SEPTIN9: variants seen among roughly 807,000 people sequenced by gnomAD.
SEPTIN9 encodes septin-9.
A neutral mutation model predicts 56.6 loss-of-function variants in SEPTIN9; 13 were observed. That is an observed-to-expected ratio of 0.23 (90% CI 0.15 to 0.37). SEPTIN9 has a LOEUF of 0.37. Ranked by LOEUF, SEPTIN9 falls within the 10% of genes least tolerant of loss-of-function variation. The pLI, the probability that SEPTIN9 is intolerant of heterozygous loss-of-function variation, is 1.00. For synonymous variants in SEPTIN9, 332 were observed against 334.1 expected, an observed-to-expected ratio of 0.99 and a Z score of 0.07; for missense variants, 650 against 823.1, an observed-to-expected ratio of 0.79 and a Z score of 2.57.
chr17:77,478,544 C>T (rs976361735), intron 3 of SEPTIN9, among the ~76,000 whole-genome samples: 3 of 152,042 alleles, frequency 2.0e-5, no homozygotes, highest in African/African-American at 4.8e-5. Context: ...TGGTGGCTCA[C>T]GCCTGTAATC....
At chr17:77,340,159 G>C (rs924270417) in intron 2 of SEPTIN9, among the ~76,000 whole-genome samples, 1 of 150,772 alleles carries the variant, frequency 6.6e-6, no homozygotes, top group Admixed American at 6.6e-5. Flanking sequence ...TTTTCAAATT[G>C]AGACAGAGTC....
At chr17:77,479,853 G>A (rs2039378520) in intron 3 of SEPTIN9, among the ~76,000 whole-genome samples, 1 of 152,188 alleles carries the variant, frequency 6.6e-6, no homozygotes, top group Admixed American at 6.5e-5. Context: ...AGATGGAAGC[G>A]ATTTTCGGTC....
At chr17:77,383,176 C>T (rs1384845702) in intron 2 of SEPTIN9, among the ~76,000 whole-genome samples, 1 of 25,016 alleles carries the variant, frequency 4.0e-5, no homozygotes, top group Non-Finnish European at 8.3e-5. Context: ...TTCTCTCCCT[C>T]CCTCCTTCTC....
At chr17:77,482,570 A>G in intron 4 of SEPTIN9, 1 of 690,722 alleles carries the variant, frequency 1.4e-6, no homozygotes, top group Non-Finnish European at 2.7e-6. Context: ...CCCTGAGATG[A>G]CTTTGGGGAG....
intron 2 of SEPTIN9, among the ~76,000 whole-genome samples, chr17:77,309,655 G>T (rs1318266891): frequency 6.6e-6 from 1 of 152,126 alleles, no homozygotes. Context: ...TTGTGTTTGG[G>T]ACTGGGCCAG....
chr17:77,287,296 G>C (rs1162117925), intron 1 of SEPTIN9, among the ~76,000 whole-genome samples: 1 of 152,208 alleles, frequency 6.6e-6, no homozygotes, highest in Non-Finnish European at 1.5e-5. Context: ...CCCCGTGGCC[G>C]ATGGGCTGGT....
chr17:77,454,404 C>T, intron 3 of SEPTIN9: 1 of 984,062 alleles, frequency 1.0e-6, no homozygotes, highest in Non-Finnish European at 1.2e-6. Context: ...CCTTGGGAAG[C>T]TTTCCCAGGA....
rs2039185889 is a variant in SEPTIN9 at position 77,475,740 on chromosome 17, A to T, written c.722-6404A>T. The T allele has an allele frequency of 1.9e-6, 3 of 1,613,264 alleles. No homozygotes were observed. The highest frequency in any genetic ancestry group is 1.7e-6 in the Non-Finnish European group (2 of 1,179,884). Reference sequence around the variant, plus strand: ...GCCGGGGCAAGGGCACCAGCTGTAGATGCCGGCAGCTTTCTCCTGGACACG... The same window carrying T: ...GCCGGGGCAAGGGCACCAGCTGTAGTTGCCGGCAGCTTTCTCCTGGACACG... On this transcript the variant is annotated intron_variant, in intron 3 of 11. Transcript: ENST00000427177. This position sits in a 1 kb window ranked among gnomAD's most constrained non-coding sequence, Gnocchi z 4.6.
At chr17:77,494,967 T>C (rs2040190338) in intron 10 of SEPTIN9, among the ~76,000 whole-genome samples, 1 of 152,220 alleles carries the variant, frequency 6.6e-6, no homozygotes, top group Non-Finnish European at 1.5e-5. Context: ...TTGCCTCCCC[T>C]TGGCCCCTCT....
chr17:77,469,965 A>T (rs987305065), intron 3 of SEPTIN9, among the ~76,000 whole-genome samples: 4 of 149,824 alleles, frequency 2.7e-5, no homozygotes, highest in Non-Finnish European at 5.9e-5. Flanking sequence ...TCACCCACCC[A>T]TCCACTCATC....
chr17:77,309,496 A>G (rs1303543842), intron 2 of SEPTIN9, among the ~76,000 whole-genome samples: 2 of 152,050 alleles, frequency 1.3e-5, no homozygotes. Flanking sequence ...TAGACGCCCC[A>G]GCATCTCCGG....
intron 1 of SEPTIN9, among the ~76,000 whole-genome samples, chr17:77,291,270 G>A (rs760498554): frequency 5.3e-5 from 8 of 150,372 alleles, no homozygotes; most frequent in African/African-American, 1.2e-4. Context: ...TCCTGACCTC[G>A]TGATCCACCT....
intron 2 of SEPTIN9, among the ~76,000 whole-genome samples, chr17:77,361,863 A>T (rs1046638094): frequency 6.4e-4 from 96 of 149,726 alleles, no homozygotes; most frequent in African/African-American, 2.1e-3. Context: ...CGATCTCTTG[A>T]CCTCGTGATC....
intron 3 of SEPTIN9, among the ~76,000 whole-genome samples, chr17:77,422,698 C>T (rs1274929708): frequency 2.7e-5 from 4 of 150,794 alleles, no homozygotes; most frequent in Non-Finnish European, 4.4e-5. Flanking sequence ...CCCCATGAAA[C>T]TGGGCCCACA....
intron 2 of SEPTIN9, among the ~76,000 whole-genome samples, chr17:77,356,670 C>CCCCCTCCCCTCCCCCT (rs1568011528): frequency 1.7e-4 from 1 of 5,770 alleles, no homozygotes; most frequent in Non-Finnish European, 3.1e-4. Context: ...TGCTTTCCCT[C>CCCCCTCCCCTCCCCCT]CCCCTCCCCT....
chr17:77,383,358 A>C (rs545189241), intron 2 of SEPTIN9, among the ~76,000 whole-genome samples: 46 of 152,104 alleles, frequency 3.0e-4, no homozygotes, highest in African/African-American at 1.1e-3. Flanking sequence ...GGTACTTTGT[A>C]TACAAGGTGT....
At chr17:77,302,974 C>T (rs1049879338) in intron 1 of SEPTIN9, among the ~76,000 whole-genome samples, 35 of 152,214 alleles carry the variant, frequency 2.3e-4, no homozygotes, top group East Asian at 7.7e-4. Flanking sequence ...CTCCTGTCTT[C>T]GGCATCTGCT....
At chr17:77,397,635 TATCCTGTG>T (rs942492114) in intron 2 of SEPTIN9, among the ~76,000 whole-genome samples, 2 of 152,168 alleles carry the variant, frequency 1.3e-5, no homozygotes, top group African/African-American at 2.4e-5. Context: ...GGCTTGTGCC[TATCCTGTG>T]ATCCTGTGAT....
chr17:77,373,456 C>T, intron 2 of SEPTIN9: 3 of 1,495,424 alleles, frequency 2.0e-6, no homozygotes, highest in African/African-American at 1.5e-5. Context: ...GGGGCGCTTC[C>T]TCGCCGCTGC....
Sources: allele counts gnomAD v4.1 joint callset (sites outside exome capture counted in the v4.1 genomes callset), GRCh38; gene constraint gnomAD v4.1.1; non-coding constraint Gnocchi (gnomAD v3.1); transcripts MANE v1.5; gene names NCBI Gene and HGNC (gene_info 2026-07-23, HGNC 2026-07-21).